The following MAP4K2 variants were observed in gnomAD, a reference collection of about 807,000 sequenced individuals.
MAP4K2 encodes the protein mitogen-activated protein kinase kinase kinase kinase 2, also known as B lymphocyte serine/threonine protein kinase.
A neutral mutation model predicts 125.3 loss-of-function variants in MAP4K2; 85 were observed. That is an observed-to-expected ratio of 0.68 (90% CI 0.57 to 0.81). MAP4K2 has a LOEUF of 0.81. Among genes scored for constraint, MAP4K2 ranks in the 40% least tolerant of loss-of-function variants. MAP4K2 has a pLI of 0.00. For synonymous variants in MAP4K2, 479 were observed against 445.1 expected (o/e 1.08, Z -0.96); for missense variants, 923 against 1,056.4 (o/e 0.87, Z 1.75).
At chr11:64,793,544 C>T (rs1042529353) in intron 24 of MAP4K2, among the ~76,000 whole-genome samples, 8 of 152,160 alleles carry the variant, frequency 5.3e-5, no homozygotes, top group Non-Finnish European at 1.2e-4. Context: ...GTTTCTTCCT[C>T]TGGGGAATGG....
chr11:64,802,774 TC>T, intron 2 of MAP4K2, 110 bp downstream of exon 2: 2 of 1,470,926 alleles, frequency 1.4e-6, no homozygotes, highest in Non-Finnish European at 1.9e-6. Context: ...TGACAGCACC[TC>T]CCGGGGCACG....
chr11:64,796,311 G>A lies in MAP4K2; in HGVS notation c.1713C>T (p.Ser571=), dbSNP rs1940793716. The part of the protein sequence containing the change: ...QRRLQQQVPL[S]IPTNRLTQRI... The stretch of plus-strand genomic sequence containing the variant: ...GCTGGGTGAGGCGGTTGGTGGGGAT[G>A]GAGAGGGGAACCTGTTGCTGTAGCC... The change falls in exon 24 of 32, where the codon TCC becomes TCT. Residue 571 remains serine, a synonymous_variant. Coordinates refer to ENST00000294066, the MANE Select transcript of MAP4K2 (RefSeq NM_004579.5). 6.5e-7 allele frequency: 1 copy of A among 1,543,694 alleles called. No individual in the cohort carries two copies. The highest frequency in any genetic ancestry group is 8.7e-7 in the Non-Finnish European group (1 of 1,144,760).
chr11:64,801,867 C>T (rs1304323322), intron 5 of MAP4K2, 110 bp from the exon 6 acceptor site: 7 of 1,254,318 alleles, frequency 5.6e-6, no homozygotes, highest in Non-Finnish European at 8.0e-6. Flanking sequence ...CCTCCCCTCT[C>T]CCCAAACAGG....
At chr11:64,801,847 G>A in intron 5 of MAP4K2, 90 bp from the exon 6 acceptor site, 1 of 1,386,940 alleles carries the variant, frequency 7.2e-7, no homozygotes, top group Non-Finnish European at 1.0e-6. Context: ...CCCCACTCAG[G>A]CTGCTTCTTC....
chr11:64,799,240 C>T lies in MAP4K2; in HGVS notation c.1053+181G>A, dbSNP rs548998766. 3.3e-5 allele frequency among the ~76,000 whole-genome samples: 5 copies of T among 152,252 alleles called. No individual in the cohort carries two copies. The East Asian group carries it at 9.6e-4, about 29-fold the overall frequency. On this transcript the variant is annotated intron_variant, in intron 14 of 31. Coordinates refer to ENST00000294066, the MANE Select transcript of MAP4K2 (RefSeq NM_004579.5). ...AGACACCCACCTAAAAGAACTTGGC[C>T]CAGGAAGGAGCCCCTAACCCTCCAG...
intron 24 of MAP4K2, 93 bp downstream of exon 24, chr11:64,796,179 TA>T: frequency 8.6e-7 from 1 of 1,164,300 alleles, no homozygotes; most frequent in Non-Finnish European, 1.2e-6. Flanking sequence ...ACAACACGTC[TA>T]AGATTGCTGC....
chr11:64,791,263 C>T (rs1592575765), intron 27 of MAP4K2, among the ~76,000 whole-genome samples: 1 of 152,264 alleles, frequency 6.6e-6, no homozygotes, highest in Non-Finnish European at 1.5e-5. Flanking sequence ...ATTATCACCC[C>T]AAGCTGCCAC....
chr11:64,800,040 C>A, intron 12 of MAP4K2, 69 bp downstream of exon 12: 2 of 1,321,098 alleles, frequency 1.5e-6, no homozygotes, highest in South Asian at 2.5e-5. Context: ...AGGACCTCCA[C>A]CAACATCACC....
chr11:64,790,686 C>T (rs926757134), intron 27 of MAP4K2, among the ~76,000 whole-genome samples: 1 of 152,128 alleles, frequency 6.6e-6, no homozygotes, highest in Non-Finnish European at 1.5e-5. Context: ...GGAGGAGTCA[C>T]GGGGAGCCAC....
Position 64,787,582 on chromosome 11 carries a change from T to A in MAP4K2, c.*1955A>T, listed in dbSNP as rs1280488737. On this transcript the variant is annotated 3_prime_UTR_variant, in exon 32 of 32. Coordinates refer to ENST00000294066, the MANE Select transcript of MAP4K2 (RefSeq NM_004579.5). ...GCATTTAAAAATACATAAATAAAAT[T>A]TAAAGTGTTAGTCTCTCAGTGCATA... 1.3e-5 allele frequency: 2 copies of A among 152,186 alleles called. No homozygotes were observed. Among genetic ancestry groups the A allele is most frequent in the African/African-American group, 2.4e-5 (1 of 41,452 alleles). The allele number at this position is 152,186 out of a possible 1,614,324, so 9.4% of individuals were successfully genotyped here.
Position 64,794,415 on chromosome 11 carries a change from A to C in MAP4K2, c.1751+1858T>G, listed in dbSNP as rs567528412. On this transcript the variant is annotated intron_variant, in intron 24 of 31. Transcript: ENST00000294066. ...TGCTCTGTTGCCCAGGCTGGAGTGCAATGGTGCGATCTCGGCTCATTGCAA... is the reference window on the plus strand; with the variant it reads ...TGCTCTGTTGCCCAGGCTGGAGTGCCATGGTGCGATCTCGGCTCATTGCAA... Among the ~76,000 whole-genome samples the C allele has an allele frequency of 2.0e-5, 3 of 151,652 alleles. No homozygotes were observed. In the South Asian group the frequency reaches 6.2e-4, roughly 32 times the overall value.
At chr11:64,801,660 C>T (rs1325367149) in intron 6 of MAP4K2, 39 bp from the exon 7 acceptor site, 1 of 1,613,752 alleles carries the variant, frequency 6.2e-7, no homozygotes, top group Non-Finnish European at 8.5e-7. Context: ...TCTGGTGCCC[C>T]CGAGGGCCTC....
At chr11:64,799,917 G>C (rs1941058477) in intron 12 of MAP4K2, among the ~76,000 whole-genome samples, 192 bp downstream of exon 12, 2 of 152,220 alleles carry the variant, frequency 1.3e-5, no homozygotes, top group African/African-American at 2.4e-5. Context: ...TTGGACTCAA[G>C]GGCAGGGACC....
At chr11:64,789,806 C>G (rs750243003) in intron 30 of MAP4K2, 21 bp from the exon 31 acceptor site, 3 of 1,613,994 alleles carry the variant, frequency 1.9e-6, no homozygotes, top group Non-Finnish European at 2.5e-6. Context: ...AGGTGGGAAG[C>G]ACTGAGGCCA....
chr11:64,791,792 T>C, intron 27 of MAP4K2, 117 bp downstream of exon 27: 1 of 1,137,790 alleles, frequency 8.8e-7, no homozygotes. Context: ...CCTCAAGGTC[T>C]CTGTGGAGCC....
Position 64,802,433 on chromosome 11 carries a change from T to G in MAP4K2, c.296A>C (p.Gln99Pro), listed in dbSNP as rs1376997450. 6.7e-7 allele frequency: 1 copy of G among 1,497,952 alleles called. No homozygotes were observed. Among genetic ancestry groups the G allele is most frequent in the South Asian group, 1.4e-5 (1 of 73,768 alleles). The allele number at this position is 1,497,952 out of a possible 1,614,324, so 92.8% of individuals were successfully genotyped here. ...CCTGGCCTCACCATGGTAAATCTCC[T>G]GCAGGGAGCCCCCTCCGCAGAACTC... Reference protein sequence around the residue: ...CMEFCGGGSLQEIYHATGPLE... With the variant: ...CMEFCGGGSLPEIYHATGPLE... Residue 99 changes from glutamine to proline, a missense_variant, in exon 4 of 32, where the codon CAG (glutamine) becomes CCG (proline). Gln to Pro is a moderately conservative substitution (Grantham distance 76, BLOSUM62 -1). Transcript: ENST00000294066.
At chr11:64,791,774 A>T in intron 27 of MAP4K2, 135 bp downstream of exon 27, 2 of 936,774 alleles carry the variant, frequency 2.1e-6, no homozygotes. Context: ...CAGACCCCAC[A>T]TGGCAGCCCT....
At chr11:64,802,164 A>G (rs750569841) in intron 4 of MAP4K2, 43 bp from the exon 5 acceptor site, 1 of 1,557,224 alleles carries the variant, frequency 6.4e-7, no homozygotes, top group African/African-American at 1.4e-5. Flanking sequence ...CCCGGGGGTC[A>G]TGCCCACCCT....
At chr11:64,798,744 C>A (rs1161740052) in intron 15 of MAP4K2, 50 bp downstream of exon 15, 4 of 1,608,662 alleles carry the variant, frequency 2.5e-6, no homozygotes, top group Non-Finnish European at 3.4e-6. Context: ...CAGAGGTCAG[C>A]CTTTCTGCCG....
Sources: allele counts gnomAD v4.1 joint callset (sites outside exome capture counted in the v4.1 genomes callset), GRCh38; gene constraint gnomAD v4.1.1; transcripts MANE v1.5; gene names NCBI Gene and HGNC (gene_info 2026-07-23, HGNC 2026-07-21).